ZZEF1: variants seen among roughly 807,000 people sequenced by gnomAD.
The protein encoded by ZZEF1 is zinc finger ZZ-type and EF-hand domain containing 1, also known as zinc finger ZZ-type and EF-hand domain-containing protein 1.
In ZZEF1, 157 loss-of-function variants were observed where a neutral mutation model predicts 342.8. The ratio of observed to expected loss-of-function variants is 0.46; its 90% CI spans 0.40 to 0.52. ZZEF1 has a LOEUF of 0.52. Ranked by LOEUF, ZZEF1 falls within the 20% of genes least tolerant of loss-of-function variation. The probability of loss-of-function intolerance (pLI) is 0.00; values close to 1 mark genes in which losing one functional copy is unlikely to be tolerated. For missense variants in ZZEF1, 3,480 were observed against 3,725.6 expected (o/e 0.93, Z 1.72); for synonymous variants, 1,505 against 1,429.1 (o/e 1.05, Z -1.20).
intron 6 of ZZEF1, among the ~76,000 whole-genome samples, chr17:4,108,862 A>G (rs1160428424): frequency 1.3e-5 from 2 of 152,232 alleles, no homozygotes; most frequent in Non-Finnish European, 2.9e-5. Flanking sequence ...ATTTGCTAAC[A>G]GTTTTACTCA....
At chr17:4,140,897 C>A (rs548368145) in intron 1 of ZZEF1, among the ~76,000 whole-genome samples, 2 of 143,716 alleles carry the variant, frequency 1.4e-5, no homozygotes, top group African/African-American at 2.5e-5. Flanking sequence ...AGATCTTTCA[C>A]TAACTAATAT....
At chr17:4,094,826 G>T (rs62071002) in intron 11 of ZZEF1, among the ~76,000 whole-genome samples, 22,536 of 152,044 alleles carry the variant, frequency 0.15, 1,804 homozygotes, top group African/African-American at 0.2. Flanking sequence ...TGCTGCTCTA[G>T]TAGGAGTCAC....
At chr17:4,032,051 T>C (rs1263946718) in intron 42 of ZZEF1, 75 bp downstream of exon 42, 4 of 1,483,364 alleles carry the variant, frequency 2.7e-6, no homozygotes, top group Non-Finnish European at 3.6e-6. Flanking sequence ...GCCAAGGTAA[T>C]TTCATTGATT....
At chr17:4,127,696 G>C (rs978307770) in intron 1 of ZZEF1, among the ~76,000 whole-genome samples, 3 of 152,172 alleles carry the variant, frequency 2.0e-5, no homozygotes, top group Non-Finnish European at 4.4e-5. Context: ...AACTGAAAGT[G>C]AGAATACCAC....
intron 31 of ZZEF1, 103 bp downstream of exon 31, chr17:4,059,068 A>T: frequency 9.9e-7 from 1 of 1,011,662 alleles, no homozygotes; most frequent in Non-Finnish European, 1.4e-6. Flanking sequence ...TTTTTATTTT[A>T]TTCTTTGTGC....
rs748066119 is a variant in ZZEF1, at chr17:4,095,890, T to G, written c.1854A>C (p.Lys618Asn). 6.2e-7 allele frequency: 1 copy of G among 1,613,852 alleles called. No individual in the cohort carries two copies. The highest frequency in any genetic ancestry group is 8.5e-7 in the Non-Finnish European group (1 of 1,179,826). The part of the protein sequence containing the change: ...SDKFCAEEHF[K>N]RFEKYDKWKL... The stretch of plus-strand genomic sequence containing the variant: ...TCCATTTGTCATATTTTTCAAACCT[T>G]TTGAAGTGTTCTTCCGCACAAAATT... The change falls in exon 11 of 55, where the codon AAA becomes AAC. Residue 618 changes from lysine to asparagine, a missense_variant. Coordinates refer to ENST00000381638, the MANE Select transcript of ZZEF1 (RefSeq NM_015113.4).
chr17:4,093,430 A>G lies in ZZEF1; in HGVS notation c.1913+2401T>C, dbSNP rs16953697. ...CAAATTCTGATTACTGAAGTGCCTG[A>G]TACGTGGTGAGTTTTCCATCAACGG... On this transcript the variant is annotated intron_variant, in intron 11 of 54. Transcript: ENST00000381638. Among the ~76,000 whole-genome samples the G allele has an allele frequency of 8.5e-3, 1,289 of 152,346 alleles. 16 individuals carry two copies. The highest frequency in any genetic ancestry group is 0.03 in the African/African-American group (1,232 of 41,576).
chr17:4,010,542 A>G (rs1471088756), intron 52 of ZZEF1, among the ~76,000 whole-genome samples: 1 of 151,734 alleles, frequency 6.6e-6, no homozygotes, highest in Non-Finnish European at 1.5e-5. Flanking sequence ...TGGCCAACAC[A>G]GTGAAACCCC....
intron 39 of ZZEF1, among the ~76,000 whole-genome samples, chr17:4,036,156 G>C (rs2056658001): frequency 6.6e-6 from 1 of 151,816 alleles, no homozygotes; most frequent in Admixed American, 6.6e-5. Context: ...ATGTGAGACT[G>C]ATCCAGTAGG....
At chr17:4,027,302 T>TG (rs1159742954) in intron 42 of ZZEF1, among the ~76,000 whole-genome samples, 1 of 142,628 alleles carries the variant, frequency 7.0e-6, no homozygotes, top group East Asian at 2.0e-4. Flanking sequence ...TTTTTTTTTT[T>TG]TTTTTTTTTT....
intron 1 of ZZEF1, among the ~76,000 whole-genome samples, chr17:4,135,996 CT>C (rs59632245): frequency 3.2e-4 from 40 of 125,508 alleles, no homozygotes; most frequent in African/African-American, 5.0e-4. Context: ...GATATTTTCT[CT>C]TTTTTTTTTT....
At chr17:4,092,300 T>TTC (rs891485758) in intron 11 of ZZEF1, among the ~76,000 whole-genome samples, 2 of 4,252 alleles carry the variant, frequency 4.7e-4, no homozygotes, top group African/African-American at 6.7e-4. Context: ...AACATGTCCC[T>TTC]TTTTTTTTTT....
At chr17:4,052,648 C>T (rs905048349) in intron 34 of ZZEF1, among the ~76,000 whole-genome samples, 2 of 152,218 alleles carry the variant, frequency 1.3e-5, no homozygotes, top group African/African-American at 4.8e-5. Context: ...AGGCAGATCG[C>T]TTGAGTCTAA....
At chr17:4,120,226 G>A (rs1490199633) in intron 2 of ZZEF1, among the ~76,000 whole-genome samples, 4 of 151,954 alleles carry the variant, frequency 2.6e-5, no homozygotes, top group African/African-American at 4.8e-5. Context: ...GCGCGGTGGC[G>A]GGTGCCTGTA....
intron 54 of ZZEF1, among the ~76,000 whole-genome samples, chr17:4,007,664 G>A (rs1293395603): frequency 1.3e-5 from 2 of 152,122 alleles, no homozygotes; most frequent in East Asian, 1.9e-4. Context: ...GGGTGGCGGC[G>A]GCAATGCTGG....
Position 4,104,642 on chromosome 17 carries a change from G to A in ZZEF1, c.1564C>T (p.Leu522Phe). The change falls in exon 8 of 55, where the codon CTC (leucine) becomes TTC (phenylalanine). Residue 522 changes from leucine (L) to phenylalanine (F), a missense_variant. Around this residue, in one of 5 missense-constraint regions of ZZEF1, gnomAD observed 1,528 missense variants for 1,624.1 expected, o/e 0.94. Coordinates refer to ENST00000381638, the MANE Select transcript of ZZEF1 (RefSeq NM_015113.4). ...SMASVRQNLL[L>F]KYGKPLQLTL... ...GTTTTACCATATTTACCATATTTGA[G>A]GAGCAGGTTCTGTCTGACTGACGCC... 1 of 1,613,636 alleles carries A rather than the reference G, an allele frequency of 6.2e-7. No homozygotes were observed. Among genetic ancestry groups the A allele is most frequent in the Non-Finnish European group, 8.5e-7 (1 of 1,179,876 alleles).
chr17:4,090,490 C>T lies in ZZEF1; in HGVS notation c.2025+229G>A, dbSNP rs2057921326. On this transcript the variant is annotated intron_variant, in intron 12 of 54. Coordinates refer to ENST00000381638, the MANE Select transcript of ZZEF1 (RefSeq NM_015113.4). Reference sequence around the variant, plus strand: ...ACATCACACCACCCTTCCTGAGAAGCTTTCGAGTTACATATTTTTCCCCTG... The same window carrying T: ...ACATCACACCACCCTTCCTGAGAAGTTTTCGAGTTACATATTTTTCCCCTG... Among the ~76,000 whole-genome samples, 3 of 152,220 alleles carry T rather than the reference C, an allele frequency of 2.0e-5. No individual in the cohort carries two copies. In the South Asian group the frequency reaches 6.2e-4, roughly 32 times the overall value.
chr17:4,025,681 CA>C (rs11345281), intron 42 of ZZEF1, among the ~76,000 whole-genome samples: 59,367 of 127,160 alleles, frequency 0.47, 14,451 homozygotes, highest in African/African-American at 0.74. Context: ...GACTCCGTCT[CA>C]AAAAAAAAAA....
At position 4,095,809 on chromosome 17, in the gene ZZEF1, CAA is replaced by C. The variant is rs1345802766; in HGVS notation, c.1913+20_1913+21del. On this transcript the variant is annotated intron_variant, in intron 11 of 54. Transcript: ENST00000381638. ...TTTTGTTCTGTAGATCTTTGTTCTA[CAA>C]AGATTTTTTACCTTCTTACCTGCTT... 10 of 1,589,268 alleles carry C rather than the reference CAA, an allele frequency of 6.3e-6. No homozygotes were observed. The highest frequency in any genetic ancestry group is 8.6e-6 in the Non-Finnish European group (10 of 1,167,430).
Sources: gnomAD v4.1 joint callset for allele counts (sites outside exome capture counted in the v4.1 genomes callset) on GRCh38, gnomAD v4.1.1 for gene constraint, gnomAD v4.1.1 regional missense constraint, MANE v1.5 for transcripts, NCBI Gene and HGNC (gene_info 2026-07-23, HGNC 2026-07-21) for gene names.